The following MYBPC2 variants were observed in gnomAD, a reference collection of about 807,000 sequenced individuals.
The protein encoded by MYBPC2 is myosin-binding protein C, fast-type.
MYBPC2 carries 122 observed loss-of-function variants against 137.0 expected under a neutral mutation model. The ratio of observed to expected loss-of-function variants is 0.89; its 90% CI spans 0.77 to 1.03. The LOEUF is 1.03. Ranked by LOEUF, MYBPC2 falls within the 50% of genes least tolerant of loss-of-function variation. The probability of loss-of-function intolerance (pLI) is 0.00; values close to 1 mark genes in which losing one functional copy is unlikely to be tolerated. For synonymous variants in MYBPC2, 626 were observed against 612.3 expected, an observed-to-expected ratio of 1.02 and a Z score of -0.33; for missense variants, 1,500 against 1,534.4, an observed-to-expected ratio of 0.98 and a Z score of 0.37.
At position 50,435,493 on chromosome 19, in the gene MYBPC2, G is replaced by T. The variant is rs999969076; in HGVS notation, c.109+243G>T. 9.9e-5 allele frequency among the ~76,000 whole-genome samples: 15 copies of T among 152,162 alleles called. No homozygotes were observed. The highest frequency in any genetic ancestry group is 3.4e-4 in the African/African-American group (14 of 41,444). ...CTGATTGATCACCAGGTCCGGCCCC[G>T]GTCTCTCTAAACCTCTCCCGCCCCA... On this transcript the variant is annotated intron_variant, in intron 2 of 27. Coordinates refer to ENST00000357701, the MANE Select transcript of MYBPC2 (RefSeq NM_004533.4). The surrounding 1 kb of genome is among the most constrained non-coding windows in gnomAD (Gnocchi z 4.8).
chr19:50,440,809 G>C, intron 7 of MYBPC2, 71 bp from the exon 8 acceptor site: 4 of 1,479,758 alleles, frequency 2.7e-6, no homozygotes, highest in Non-Finnish European at 3.6e-6. Flanking sequence ...GAGCCAATGA[G>C]TGAAGAAGGC....
chr19:50,437,634 T>G (rs1349631327), intron 6 of MYBPC2, 25 bp from the exon 7 acceptor site: 2 of 1,598,874 alleles, frequency 1.3e-6, no homozygotes, highest in Non-Finnish European at 1.7e-6. Context: ...GGGTCAAGAC[T>G]CACATGCCCT....
intron 27 of MYBPC2, 39 bp downstream of exon 27, chr19:50,464,571 C>A: frequency 6.4e-7 from 1 of 1,556,660 alleles, no homozygotes; most frequent in Admixed American, 1.8e-5. Flanking sequence ...CTGACCCTTG[C>A]TCGGGCCCTG....
At chr19:50,440,271 C>T (rs558934262) in intron 7 of MYBPC2, among the ~76,000 whole-genome samples, 1 of 151,908 alleles carries the variant, frequency 6.6e-6, no homozygotes, top group African/African-American at 2.4e-5. Flanking sequence ...CACTACCAAA[C>T]AGCTTACTCA....
intron 20 of MYBPC2, among the ~76,000 whole-genome samples, chr19:50,455,925 C>T (rs1375823765): frequency 1.3e-5 from 2 of 152,120 alleles, no homozygotes; most frequent in Non-Finnish European, 2.9e-5. Context: ...TACCTTTATG[C>T]CTTCTTTCTT....
Position 50,466,314 on chromosome 19 carries a change from T to G in MYBPC2, c.*109T>G. 6.8e-7 allele frequency: 1 copy of G among 1,470,654 alleles called. No homozygotes were observed. Among genetic ancestry groups the G allele is most frequent in the Non-Finnish European group, 9.4e-7 (1 of 1,063,498 alleles). The allele number at this position is 1,470,654 out of a possible 1,614,324, so 91.1% of individuals were successfully genotyped here. On this transcript the variant is annotated 3_prime_UTR_variant, in exon 28 of 28. Transcript: ENST00000357701. The surrounding 1 kb of genome is among the most constrained non-coding windows in gnomAD (Gnocchi z 4.9). ...GTTTTCGCTGAGAACAAAACAGTGT[T>G]GTCTGGACCCTGGAGTGTCTGTCCT...
intron 4 of MYBPC2, 98 bp from the exon 5 acceptor site, chr19:50,436,519 G>T: frequency 1.8e-6 from 2 of 1,102,336 alleles, no homozygotes; most frequent in Non-Finnish European, 2.7e-6. Context: ...TGGGGTGGGG[G>T]TGAGGACGTG....
chr19:50,444,682 C>A (rs1235680829), intron 11 of MYBPC2, among the ~76,000 whole-genome samples: 1 of 151,698 alleles, frequency 6.6e-6, no homozygotes, highest in Non-Finnish European at 1.5e-5. Context: ...AGATCGAGAC[C>A]ATCTTGGCTA....
chr19:50,433,545 C>A (rs1195830330), intron 1 of MYBPC2, among the ~76,000 whole-genome samples: 1 of 151,868 alleles, frequency 6.6e-6, no homozygotes. Flanking sequence ...TACAGGCCTG[C>A]GCCACCATGC....
intron 26 of MYBPC2, 29 bp from the exon 27 acceptor site, chr19:50,464,316 GT>G: frequency 1.3e-6 from 2 of 1,573,668 alleles, no homozygotes; most frequent in Non-Finnish European, 1.7e-6. Flanking sequence ...CTCTCTCTAA[GT>G]TGGCCTCCTC....
intron 24 of MYBPC2, among the ~76,000 whole-genome samples, chr19:50,460,455 C>T (rs2039961961): frequency 6.6e-6 from 1 of 152,140 alleles, no homozygotes; most frequent in Admixed American, 6.5e-5. Context: ...GTGCAGCCAC[C>T]GCCTCTACCC....
intron 9 of MYBPC2, 121 bp from the exon 10 acceptor site, chr19:50,443,373 T>G: frequency 8.1e-7 from 1 of 1,236,938 alleles, no homozygotes; most frequent in Non-Finnish European, 1.1e-6. Context: ...TCAATCCCTT[T>G]CCACACAATT....
At position 50,465,626 on chromosome 19, in the gene MYBPC2, G is replaced by A. The variant is rs1771909208; in HGVS notation, c.3416-569G>A. On this transcript the variant is annotated intron_variant, in intron 27 of 27. Coordinates refer to ENST00000357701, the MANE Select transcript of MYBPC2 (RefSeq NM_004533.4). This position sits in a 1 kb window ranked among gnomAD's most constrained non-coding sequence, Gnocchi z 4.5. ...GGAGGCCAAGGCAGGCGAGTTGCTTGAGCCCAGGAGTTCAAGACCAGCCTG... is the reference window on the plus strand; with the variant it reads ...GGAGGCCAAGGCAGGCGAGTTGCTTAAGCCCAGGAGTTCAAGACCAGCCTG... 6.6e-6 allele frequency among the ~76,000 whole-genome samples: 1 copy of A among 152,190 alleles called. No individual in the cohort carries two copies. Among genetic ancestry groups the A allele is most frequent in the South Asian group, 2.1e-4 (1 of 4,826 alleles).
intron 8 of MYBPC2, 29 bp from the exon 9 acceptor site, chr19:50,442,152 C>A: frequency 1.3e-6 from 2 of 1,569,884 alleles, no homozygotes; most frequent in East Asian, 4.7e-5. Context: ...CCACACGCCT[C>A]CATCCCCTTT....
At position 50,435,498 on chromosome 19, in the gene MYBPC2, C is replaced by T. The variant is rs1053779961; in HGVS notation, c.109+248C>T. Among the ~76,000 whole-genome samples the T allele has an allele frequency of 2.0e-5, 3 of 152,226 alleles. No individual in the cohort carries two copies. Among genetic ancestry groups the T allele is most frequent in the African/African-American group, 4.8e-5 (2 of 41,462 alleles). On this transcript the variant is annotated intron_variant, in intron 2 of 27. Transcript: ENST00000357701. The surrounding 1 kb of genome is among the most constrained non-coding windows in gnomAD (Gnocchi z 4.8). ...TGATCACCAGGTCCGGCCCCGGTCTCTCTAAACCTCTCCCGCCCCAAAGGC... is the reference window on the plus strand; with the variant it reads ...TGATCACCAGGTCCGGCCCCGGTCTTTCTAAACCTCTCCCGCCCCAAAGGC...
intron 9 of MYBPC2, among the ~76,000 whole-genome samples, chr19:50,442,588 T>C (rs2039766188): frequency 6.6e-6 from 1 of 151,608 alleles, no homozygotes; most frequent in African/African-American, 2.4e-5. Context: ...TGGTGGCACA[T>C]GTCTGTAGTG....
intron 9 of MYBPC2, among the ~76,000 whole-genome samples, 162 bp from the exon 10 acceptor site, chr19:50,443,332 T>C (rs2039772620): frequency 6.6e-6 from 1 of 151,432 alleles, no homozygotes; most frequent in Admixed American, 6.6e-5. Flanking sequence ...CAAAAGTAAA[T>C]AAAAATAAAT....
chr19:50,448,481 T>TAAAAATAAATAAATAAAA, intron 13 of MYBPC2, 91 bp downstream of exon 13: 1 of 1,491,214 alleles, frequency 6.7e-7, no homozygotes. Flanking sequence ...TTTATTTTTT[T>TAAAAATAAATAAATAAAA]TTTTGAGATG....
At chr19:50,440,721 C>T (rs1601283118) in intron 7 of MYBPC2, among the ~76,000 whole-genome samples, 159 bp from the exon 8 acceptor site, 1 of 151,160 alleles carries the variant, frequency 6.6e-6, no homozygotes. Flanking sequence ...GTCAGAAGAC[C>T]CCAGGAGGAG....
Sources: allele counts gnomAD v4.1 joint callset (sites outside exome capture counted in the v4.1 genomes callset), GRCh38; gene constraint gnomAD v4.1.1; non-coding constraint Gnocchi (gnomAD v3.1); transcripts MANE v1.5; gene names NCBI Gene and HGNC (gene_info 2026-07-23, HGNC 2026-07-21).